Variants in TCEAL4 observed in about 807,000 individuals in gnomAD.
The protein encoded by TCEAL4 is transcription elongation factor A like 4, also known as transcription elongation factor A protein-like 4.
In TCEAL4, 1 loss-of-function variant was observed where a neutral mutation model predicts 1.3. That is an observed-to-expected ratio of 0.79 (90% confidence interval 0.28 to 3.76). The LOEUF is 3.76. TCEAL4 is among the 30% of genes most tolerant of loss of function. TCEAL4 has a pLI of 0.18. For synonymous variants in TCEAL4, 54 were observed against 50.7 expected (o/e 1.06, Z -0.28); for missense variants, 129 against 154.7 (o/e 0.83, Z 0.88).
chrX:103,584,448 T>C (rs920884099), upstream of TCEAL4, among the ~76,000 whole-genome samples: 1 of 111,956 alleles, frequency 8.9e-6, no homozygotes, highest in Non-Finnish European at 1.9e-5. Flanking sequence ...CGATAGGCTA[T>C]AGTATGTAGC....
upstream of TCEAL4, among the ~76,000 whole-genome samples, chrX:103,581,706 A>T (rs775853006): frequency 8.9e-6 from 1 of 112,230 alleles, no homozygotes; most frequent in Admixed American, 9.4e-5. Context: ...TTTATGTTAA[A>T]AACTCTCAAT....
At chrX:103,584,983 T>G (rs1603161439), upstream of TCEAL4, among the ~76,000 whole-genome samples, 1 of 113,329 alleles carries the variant, frequency 8.8e-6, no homozygotes, top group East Asian at 2.8e-4. Flanking sequence ...CTTTTTGAGC[T>G]GCTTGCAGCA....
At chrX:103,576,972 C>A in intron 1 of TCEAL4, 1 of 859,517 alleles carries the variant, frequency 1.2e-6, no homozygotes. Flanking sequence ...TACATGGCAG[C>A]TGCTTCTCCA....
rs2073570191 is a variant in TCEAL4 at position 103,587,631 on chromosome X, G to C, written c.*308G>C. The C allele has an allele frequency of 1.3e-5, 3 of 223,232 alleles. No individual in the cohort carries two copies. The highest frequency in any genetic ancestry group is 1.4e-4 in the Admixed American group (2 of 14,264). The allele number at this position is 223,232 out of a possible 1,213,427, so 18.4% of individuals were successfully genotyped here. On this transcript the variant is annotated 3_prime_UTR_variant, in exon 3 of 3. Transcript: ENST00000472484. ...TAAAAGATTAACAGTGGTTATCTCT[G>C]GGTGATTTTTTCTGTTCTTTTTTGT...
At chrX:103,576,448 C>T in exon 1 of TCEAL4, 1 of 1,166,204 alleles carries the variant, frequency 8.6e-7, no homozygotes, top group Non-Finnish European at 1.1e-6. Flanking sequence ...TATTTTGGGA[C>T]TCTCATGATG....
chrX:103,584,225 G>A (rs761624724), upstream of TCEAL4, among the ~76,000 whole-genome samples: 7 of 111,442 alleles, frequency 6.3e-5, no homozygotes, highest in South Asian at 2.7e-3. Context: ...ACCGTGCCTG[G>A]CCGATATTTT....
rs763441562 is a variant in TCEAL4, at chrX:103,578,895, T to TA, written c.183+1688dup. Among the ~76,000 whole-genome samples the TA allele has an allele frequency of 9.3e-4, 104 of 112,037 alleles. 1 individual carries two copies. Among genetic ancestry groups the TA allele is most frequent in the Non-Finnish European group, 1.6e-3 (84 of 53,166 alleles). ...TTTCTTGAGCTTTTGTTGTCATATC[T>TA]AAAAAACCATTGCCTAATCCAAGGT... On this transcript the variant is annotated intron_variant, in intron 2 of 4. Coordinates refer to the TCEAL4 transcript ENST00000372629.
chrX:103,579,224 G>C (rs181166459), intron 2 of TCEAL4, among the ~76,000 whole-genome samples: 1 of 112,165 alleles, frequency 8.9e-6, no homozygotes, highest in Non-Finnish European at 1.9e-5. Context: ...CTGGAAGTGT[G>C]AGACCTCCAA....
intron 2 of TCEAL4, among the ~76,000 whole-genome samples, chrX:103,580,142 T>C (rs897601055): frequency 2.7e-5 from 3 of 112,327 alleles, no homozygotes; most frequent in African/African-American, 9.7e-5. Flanking sequence ...CACTTACTTG[T>C]GGCTGTCCTT....
intron 2 of TCEAL4, 62 bp downstream of exon 2, chrX:103,586,353 C>A: frequency 8.9e-7 from 1 of 1,129,581 alleles, no homozygotes; most frequent in Non-Finnish European, 1.2e-6. Context: ...GTGGAGGGCC[C>A]GGCCAGGGCC....
upstream of TCEAL4, among the ~76,000 whole-genome samples, chrX:103,581,563 C>G (rs1329080292): frequency 9.0e-6 from 1 of 111,084 alleles, no homozygotes; most frequent in African/African-American, 3.3e-5. Flanking sequence ...TTGGCTTCAT[C>G]CCCGAGATGC....
In TCEAL4 at chrX:103,576,502, G is replaced by A. The variant is rs112867257; in HGVS notation, c.33G>A (p.Thr11=). 1.5e-5 allele frequency: 17 copies of A among 1,156,175 alleles called. 1 individual carries two copies. The African/African-American group carries it at 1.6e-4, about 11-fold the overall frequency. ...CTGGAGGCCAGGCGCCGCAGCTCAC[G>A]CCTGTAATCCCAGCGTTTTGGGAGG... The change falls in exon 1 of 5, where the codon ACG becomes ACA. Residue 11 remains threonine (T), a synonymous_variant. Coordinates refer to the TCEAL4 transcript ENST00000372629.
At chrX:103,578,249 T>C (rs962310376) in intron 2 of TCEAL4, among the ~76,000 whole-genome samples, 1 of 112,186 alleles carries the variant, frequency 8.9e-6, no homozygotes, top group African/African-American at 3.2e-5. Flanking sequence ...CATTGAGTGA[T>C]AGGTATTTAA....
At position 103,587,291 on chromosome X, in the gene TCEAL4, C is replaced by T; in HGVS notation, c.616C>T (p.Arg206Ter). 1 of 1,187,545 alleles carries T rather than the reference C, an allele frequency of 8.4e-7. No homozygotes were observed. The highest frequency in any genetic ancestry group is 1.1e-6 in the Non-Finnish European group (1 of 886,532). ...REFRGGCRAP[R>*]RDIEDIPYV ...ATTCAGGGGTGGCTGCAGGGCCCCA[C>T]GAAGGGACATTGAAGACATTCCTTA... Residue 206 changes from arginine to a stop codon, truncating the protein, a stop_gained, in exon 3 of 3, where the codon CGA becomes TGA. Transcript: ENST00000472484. LOFTEE classifies it high-confidence loss of function.
At chrX:103,576,347 T>A in exon 1 of TCEAL4, 1 of 876,597 alleles carries the variant, frequency 1.1e-6, no homozygotes, top group South Asian at 2.3e-5. Context: ...TTTCATCTTT[T>A]ATACAGGTTA....
intron 2 of TCEAL4, among the ~76,000 whole-genome samples, chrX:103,580,339 G>A (rs2073501974): frequency 8.9e-6 from 1 of 112,432 alleles, no homozygotes; most frequent in Non-Finnish European, 1.9e-5. Context: ...TGTAATGATG[G>A]ACATTTGTGC....
chrX:103,586,273 C>G lies in TCEAL4; in HGVS notation c.-46C>G. The G allele has an allele frequency of 8.6e-7, 1 of 1,166,786 alleles. No homozygotes were observed. The highest frequency in any genetic ancestry group is 1.9e-5 in the South Asian group (1 of 52,743). ...GCGAAGCCTGAAAAGGAGGAGCAAC[C>G]TGTCCAGAATCCCCGCAGGTCCGTG... On this transcript the variant is annotated 5_prime_UTR_variant, in exon 2 of 3. Transcript: ENST00000472484.
upstream of TCEAL4, chrX:103,585,391 G>A (rs769534236): frequency 9.3e-6 from 8 of 861,628 alleles, no homozygotes; most frequent in Non-Finnish European, 1.2e-5. Flanking sequence ...AAGAAAAAAA[G>A]GACAAAAGGG....
At chrX:103,577,176 G>A (rs927091712) in exon 2 of TCEAL4, 22 of 1,165,132 alleles carry the variant, frequency 1.9e-5, no homozygotes, top group Middle Eastern at 4.6e-4. Flanking sequence ...TATGTGGAGC[G>A]GGACATAACA....
Sources: allele counts gnomAD v4.1 joint callset (sites outside exome capture counted in the v4.1 genomes callset), GRCh38; gene constraint gnomAD v4.1.1; transcripts MANE v1.5; gene names NCBI Gene and HGNC (gene_info 2026-07-23, HGNC 2026-07-21).